Variants in KSR1 observed in about 807,000 individuals in gnomAD.
The protein encoded by KSR1 is kinase suppressor of ras 1, also known as kinase suppressor of ras.
In KSR1, 35 loss-of-function variants were observed where a neutral mutation model predicts 92.9. That is an observed-to-expected ratio of 0.38 (90% CI 0.29 to 0.50). The LOEUF is 0.50. Ranked by LOEUF, KSR1 falls within the 20% of genes least tolerant of loss-of-function variation. The pLI, the probability that KSR1 is intolerant of heterozygous loss-of-function variation, is 0.94. For synonymous variants in KSR1, 467 were observed against 472.6 expected (o/e 0.99, Z 0.15); for missense variants, 972 against 1,158.5 (o/e 0.84, Z 2.34).
At chr17:27,563,436 T>C (rs910948109) in intron 2 of KSR1, among the ~76,000 whole-genome samples, 2 of 152,188 alleles carry the variant, frequency 1.3e-5, no homozygotes, top group African/African-American at 4.8e-5. Context: ...TTTTATTTTT[T>C]AGTTGAGATT....
At chr17:27,599,586 A>G (rs1047392907) in intron 10 of KSR1, among the ~76,000 whole-genome samples, 2 of 152,164 alleles carry the variant, frequency 1.3e-5, no homozygotes, top group Non-Finnish European at 2.9e-5. Flanking sequence ...ATTGTTCTTT[A>G]TTTGTAGGGG....
chr17:27,538,346 C>A (rs2151059594), intron 1 of KSR1, among the ~76,000 whole-genome samples: 1 of 152,298 alleles, frequency 6.6e-6, no homozygotes, highest in Admixed American at 6.5e-5. Context: ...CTCTTGCCAT[C>A]CTTGTGGTTG....
At chr17:27,569,625 G>A (rs1450615715) in intron 2 of KSR1, among the ~76,000 whole-genome samples, 2 of 152,256 alleles carry the variant, frequency 1.3e-5, no homozygotes, top group African/African-American at 4.8e-5. Flanking sequence ...AAAAACAACA[G>A]AATATTTCGT....
At chr17:27,483,297 C>T (rs2068563890) in intron 1 of KSR1, among the ~76,000 whole-genome samples, 1 of 152,190 alleles carries the variant, frequency 6.6e-6, no homozygotes, top group Non-Finnish European at 1.5e-5. Context: ...AGGTAGAAAT[C>T]ACAGACCCAG....
chr17:27,535,741 A>G (rs2070730296), intron 1 of KSR1, among the ~76,000 whole-genome samples: 2 of 152,232 alleles, frequency 1.3e-5, no homozygotes, highest in African/African-American at 4.8e-5. Flanking sequence ...GCTCGCAGTC[A>G]GCCAGCAGCT....
chr17:27,593,865 G>A (rs940008), intron 9 of KSR1, among the ~76,000 whole-genome samples: 63,962 of 152,088 alleles, frequency 0.42, 13,601 homozygotes, highest in Non-Finnish European at 0.46. Context: ...GTCTTGGGAA[G>A]GTCCACCTTC....
In KSR1 at chr17:27,550,636, C is replaced by T. The variant is rs2071362927; in HGVS notation, c.300C>T (p.Thr100=). ...CKLSVAPGER[T]PELNSYPRFS... Reference sequence around the variant, plus strand: ...TGAGCGTGGCTCCCGGTGAGAGGACCCCAGAGCTCAACAGCTACCCCCGCT... The same window carrying T: ...TGAGCGTGGCTCCCGGTGAGAGGACTCCAGAGCTCAACAGCTACCCCCGCT... The change falls in exon 2 of 21, where the codon ACC becomes ACT. Residue 100 remains threonine (T), a synonymous_variant. Coordinates refer to ENST00000644974, the MANE Select transcript of KSR1 (RefSeq NM_001394583.1). The T allele has an allele frequency of 1.3e-6, 1 of 764,416 alleles. No homozygotes were observed. The allele number at this position is 764,416 out of a possible 1,614,324, so 47.4% of individuals were successfully genotyped here.
chr17:27,592,748 C>A lies in KSR1; in HGVS notation c.1299+122C>A, dbSNP rs1257223256. 2.1e-5 allele frequency: 16 copies of A among 766,062 alleles called. No homozygotes were observed. The Middle Eastern group carries it at 1.1e-3, about 54-fold the overall frequency. The allele number at this position is 766,062 out of a possible 1,614,324, so 47.5% of individuals were successfully genotyped here. ...TGACACCACCGTCTCAGATTTGTGGCCAGAGGGTGGCCTTGGGGATCATAT... is the reference window on the plus strand; with the variant it reads ...TGACACCACCGTCTCAGATTTGTGGACAGAGGGTGGCCTTGGGGATCATAT... On this transcript the variant is annotated intron_variant, in intron 9 of 20. Transcript: ENST00000644974.
chr17:27,505,292 A>C (rs1225343616), intron 1 of KSR1, among the ~76,000 whole-genome samples: 1 of 152,130 alleles, frequency 6.6e-6, no homozygotes, highest in African/African-American at 2.4e-5. Context: ...TCTACAGTGC[A>C]ACCCGTTTGC....
chr17:27,597,181 T>C (rs1280762857), intron 9 of KSR1, 87 bp from the exon 10 acceptor site: 6 of 1,420,742 alleles, frequency 4.2e-6, no homozygotes, highest in African/African-American at 1.4e-5. Context: ...ACTGCTTCCT[T>C]TCCAGATGGG....
rs1006903024 is a variant in KSR1 at position 27,623,059 on chromosome 17, T to G, written c.2709-255T>G. ...AATTCCTAGGAACCCACAGCAGTACTGAGCATGCTGGGAGCTTGGGACTTG... is the reference window on the plus strand; with the variant it reads ...AATTCCTAGGAACCCACAGCAGTACGGAGCATGCTGGGAGCTTGGGACTTG... On this transcript the variant is annotated intron_variant, in intron 20 of 20. Transcript: ENST00000644974. The G allele has an allele frequency of 2.5e-5, 14 of 569,464 alleles. No individual in the cohort carries two copies. The African/African-American group carries it at 2.6e-4, about 11-fold the overall frequency. The allele number at this position is 569,464 out of a possible 1,614,324, so 35.3% of individuals were successfully genotyped here. A position where few individuals can be genotyped will look rare whatever the true frequency, so the allele number is the denominator to read the frequency against.
intron 19 of KSR1, among the ~76,000 whole-genome samples, chr17:27,620,065 A>G (rs760226355): frequency 6.6e-6 from 1 of 152,196 alleles, no homozygotes; most frequent in Non-Finnish European, 1.5e-5. Flanking sequence ...ACTCAGCATG[A>G]GTTTTCTCTC....
chr17:27,563,624 CT>C (rs1447351866), intron 2 of KSR1, among the ~76,000 whole-genome samples: 1 of 152,210 alleles, frequency 6.6e-6, no homozygotes, highest in Non-Finnish European at 1.5e-5. Context: ...AACCCTTCAC[CT>C]ACCTTTGAGG....
At position 27,577,527 on chromosome 17, in the gene KSR1, G is replaced by A. The variant is rs1020754818; in HGVS notation, c.408G>A (p.Leu136=). The A allele has an allele frequency of 3.1e-6, 5 of 1,601,980 alleles. No individual in the cohort carries two copies. The African/African-American group carries it at 6.7e-5, about 21-fold the overall frequency. ...IPRDLTLDAL[L]EMNEAKVKET... ...GAGACCTCACGCTGGATGCCCTGCT[G>A]GAGATGAATGAGGCCAAGGTGAAGG... The change falls in exon 3 of 21, where the codon CTG becomes CTA. Residue 136 remains leucine, a synonymous_variant. Transcript: ENST00000644974. The surrounding 1 kb of genome is among the most constrained non-coding windows in gnomAD (Gnocchi z 4.5).
intron 1 of KSR1, among the ~76,000 whole-genome samples, chr17:27,502,895 G>T (rs906764630): frequency 6.6e-6 from 1 of 152,126 alleles, no homozygotes; most frequent in East Asian, 1.9e-4. Flanking sequence ...CACTTCTCAC[G>T]GACAGTAATG....
At chr17:27,539,749 C>T (rs905752936) in intron 1 of KSR1, among the ~76,000 whole-genome samples, 12 of 152,168 alleles carry the variant, frequency 7.9e-5, no homozygotes, top group East Asian at 3.8e-4. Context: ...CTGGTACTAA[C>T]AACACATGAG....
chr17:27,592,613 C>T lies in KSR1; in HGVS notation c.1286C>T (p.Ala429Val). Residue 429 changes from alanine to valine, a missense_variant, in exon 9 of 21, where the codon GCA becomes GTA. By Grantham distance (64) the Ala-to-Val change is moderately conservative (BLOSUM62 0). Around this residue, in one of 5 missense-constraint regions of KSR1, gnomAD observed 611 missense variants for 668.0 expected, o/e 0.91. Coordinates refer to ENST00000644974, the MANE Select transcript of KSR1 (RefSeq NM_001394583.1). ...CCCCATTTTGGAACCCTCCCCAAAG[C>T]ACTGACAAAGAAGGTACGCTGGGTA... is the stretch of plus-strand genomic sequence containing the variant. ...AEPHFGTLPK[A>V]LTKKEHPPAM... 6.2e-7 allele frequency: 1 copy of T among 1,613,810 alleles called. No individual in the cohort carries two copies. The highest frequency in any genetic ancestry group is 8.5e-7 in the Non-Finnish European group (1 of 1,179,802).
At chr17:27,574,574 A>C (rs1470108474) in intron 2 of KSR1, among the ~76,000 whole-genome samples, 1 of 152,174 alleles carries the variant, frequency 6.6e-6, no homozygotes, top group Non-Finnish European at 1.5e-5. Flanking sequence ...CAAATACAGA[A>C]AGGCAGGCAT....
At chr17:27,546,777 A>C (rs1223331952) in intron 1 of KSR1, among the ~76,000 whole-genome samples, 1 of 152,118 alleles carries the variant, frequency 6.6e-6, no homozygotes. Context: ...GATAGGGCAC[A>C]TGAGTGCATC....
Sources: gnomAD v4.1 joint callset for allele counts (sites outside exome capture counted in the v4.1 genomes callset) on GRCh38, gnomAD v4.1.1 for gene constraint, gnomAD v4.1.1 regional missense constraint, Gnocchi (gnomAD v3.1) non-coding constraint, MANE v1.5 for transcripts, NCBI Gene and HGNC (gene_info 2026-07-23, HGNC 2026-07-21) for gene names.